The following RFLNA variants were observed in gnomAD, a reference collection of about 807,000 sequenced individuals.
The protein encoded by RFLNA is refilin-A.
Under a neutral mutation model 7.8 loss-of-function variants are expected in RFLNA, and 5 were observed. That is an observed-to-expected ratio of 0.64 (90% confidence interval 0.34 to 1.35). The LOEUF is 1.35. Ranked by LOEUF, RFLNA falls within the 40% of genes most tolerant of loss-of-function variation. The pLI is 0.04. For missense variants in RFLNA, 278 were observed against 305.5 expected (o/e 0.91, Z 0.67); for synonymous variants, 141 against 131.3 (o/e 1.07, Z -0.50).
At chr12:124,311,430 C>G (rs1041721057) in intron 1 of RFLNA, among the ~76,000 whole-genome samples, 5 of 152,236 alleles carry the variant, frequency 3.3e-5, no homozygotes, top group African/African-American at 9.6e-5. Flanking sequence ...GGCTGGGAAC[C>G]CTTCCTCCAG....
intron 2 of RFLNA, 68 bp from the exon 3 acceptor site, chr12:124,314,124 T>C (rs2034303520): frequency 2.6e-6 from 4 of 1,538,454 alleles, no homozygotes; most frequent in South Asian, 2.5e-5. Context: ...TTCGTGTCCA[T>C]GCTGAGGGCA....
chr12:124,309,907 G>A (rs186735890), intron 1 of RFLNA, among the ~76,000 whole-genome samples: 79 of 152,238 alleles, frequency 5.2e-4, no homozygotes, highest in Middle Eastern at 3.4e-3. Flanking sequence ...GGTGGCTCAC[G>A]CCTGCAGTTC....
At chr12:124,290,102 T>C (rs2033795045), upstream of RFLNA, among the ~76,000 whole-genome samples, 1 of 152,350 alleles carries the variant, frequency 6.6e-6, no homozygotes, top group African/African-American at 2.4e-5. This position sits in a 1 kb window ranked among gnomAD's most constrained non-coding sequence, Gnocchi z 4.0. Flanking sequence ...GTGTTACTTC[T>C]GCATTCCCTA....
chr12:124,312,756 A>G (rs2034267973), intron 2 of RFLNA, among the ~76,000 whole-genome samples: 1 of 150,824 alleles, frequency 6.6e-6, no homozygotes, highest in South Asian at 2.1e-4. Flanking sequence ...GCCACCCATG[A>G]GCTACTGCAC....
Position 124,314,216 on chromosome 12 carries a change from C to A in RFLNA, c.342C>A (p.Ala114=). ...EIRCNSEVKY[A]SEKHFQDKVF... is the part of the protein sequence containing the mutation. ...GCTGCAACTCTGAGGTCAAGTACGC[C>A]TCGGAGAAGCATTTCCAGGACAAGG... is the stretch of plus-strand genomic sequence containing the variant. The change falls in exon 3 of 3, where the codon GCC becomes GCA. Residue 114 remains alanine, a synonymous_variant. Coordinates refer to ENST00000546355, the MANE Select transcript of RFLNA (RefSeq NM_001365156.1). The A allele has an allele frequency of 6.2e-7, 1 of 1,612,962 alleles. No individual in the cohort carries two copies.
upstream of RFLNA, among the ~76,000 whole-genome samples, chr12:124,293,126 C>T (rs571797208): frequency 6.6e-6 from 1 of 152,246 alleles, no homozygotes; most frequent in South Asian, 2.1e-4. Flanking sequence ...AGAATTTCAC[C>T]ATGTTGGCCA....
At chr12:124,310,193 A>AAAAAAAAAAAAAAAAAAAAAAC (rs1566328172) in intron 1 of RFLNA, among the ~76,000 whole-genome samples, 1 of 147,210 alleles carries the variant, frequency 6.8e-6, no homozygotes, top group Non-Finnish European at 1.5e-5. Flanking sequence ...AAAAAAAAAA[A>AAAAAAAAAAAAAAAAAAAAAAC]AAAGCCTTTA....
upstream of RFLNA, among the ~76,000 whole-genome samples, chr12:124,290,762 G>C (rs1260202911): frequency 6.6e-6 from 1 of 152,162 alleles, no homozygotes; most frequent in Non-Finnish European, 1.5e-5. This position sits in a 1 kb window ranked among gnomAD's most constrained non-coding sequence, Gnocchi z 4.0. Context: ...TGCCTGGCGT[G>C]CCTGGAAGCA....
In RFLNA at chr12:124,304,026, G is replaced by A. The variant is rs182854307; in HGVS notation, c.208-7792G>A. ...GTGACCCAGTCTTCGGCAGTATCTC[G>A]CTCCCGCGTGGCTGGAAAGTCGGAC... On this transcript the variant is annotated intron_variant, in intron 1 of 2. Coordinates refer to ENST00000546355, the MANE Select transcript of RFLNA (RefSeq NM_001365156.1). 6.1e-4 allele frequency among the ~76,000 whole-genome samples: 93 copies of A among 152,356 alleles called. 1 individual carries two copies. Among genetic ancestry groups the A allele is most frequent in the African/African-American group, 1.9e-3 (80 of 41,592 alleles).
chr12:124,314,495 C>T lies in RFLNA; in HGVS notation c.621C>T (p.Ala207=). The stretch of plus-strand genomic sequence containing the variant: ...AGCTGCAGCTTTGCCAGGACCCTGC[C>T]CCCAGCCTCCTGGGCCCTGCCACGC... The part of the protein sequence containing the change: ...SVQLQLCQDP[A]PSLLGPATL The change falls in exon 3 of 3, where the codon GCC becomes GCT. Residue 207 remains alanine (A), a synonymous_variant. Coordinates refer to ENST00000546355, the MANE Select transcript of RFLNA (RefSeq NM_001365156.1). The T allele has an allele frequency of 6.3e-7, 1 of 1,593,606 alleles. No homozygotes were observed. The highest frequency in any genetic ancestry group is 1.7e-5 in the Admixed American group (1 of 59,248).
At chr12:124,300,637 T>C (rs1007615556) in intron 1 of RFLNA, among the ~76,000 whole-genome samples, 2 of 150,830 alleles carry the variant, frequency 1.3e-5, no homozygotes, top group African/African-American at 2.4e-5. Flanking sequence ...GATGGATGGA[T>C]GGATGGATGG....
chr12:124,303,598 C>T (rs932709554), intron 1 of RFLNA, among the ~76,000 whole-genome samples: 1 of 152,200 alleles, frequency 6.6e-6, no homozygotes, highest in Non-Finnish European at 1.5e-5. Context: ...GCCCGAGAAG[C>T]ACTTGTTCTC....
chr12:124,291,289 CT>C (rs2135665961), upstream of RFLNA, among the ~76,000 whole-genome samples: 1 of 152,308 alleles, frequency 6.6e-6, no homozygotes, highest in South Asian at 2.1e-4. Context: ...GAGTCTCACT[CT>C]ATTGCCCAGG....
Position 124,314,390 on chromosome 12 carries a change from C to T in RFLNA, c.516C>T (p.Pro172=), listed in dbSNP as rs758562189. ...LRFRSTTIIF[P]KHARSTFRTT... is the part of the protein sequence containing the mutation. Reference sequence around the variant, plus strand: ...TCCGCAGCACCACCATCATCTTCCCCAAGCATGCCAGGAGCACTTTCCGGA... The same window carrying T: ...TCCGCAGCACCACCATCATCTTCCCTAAGCATGCCAGGAGCACTTTCCGGA... Residue 172 remains proline, a synonymous_variant, in exon 3 of 3, where the codon CCC becomes CCT. Transcript: ENST00000546355. 1.2e-6 allele frequency: 2 copies of T among 1,611,316 alleles called. No homozygotes were observed. The highest frequency in any genetic ancestry group is 2.2e-5 in the South Asian group (2 of 91,084).
At position 124,314,581 on chromosome 12, in the gene RFLNA, G is replaced by T; in HGVS notation, c.*56G>T. 1 of 1,535,842 alleles carries T rather than the reference G, an allele frequency of 6.5e-7. No homozygotes were observed. The highest frequency in any genetic ancestry group is 1.4e-5 in the African/African-American group (1 of 72,622). On this transcript the variant is annotated 3_prime_UTR_variant, in exon 3 of 3. Transcript: ENST00000546355. ...GAGCCGGGAGCCCTGGGGAGAAGCC[G>T]GGAGGATGGACACGATGAGCTCGGC...
intron 1 of RFLNA, among the ~76,000 whole-genome samples, chr12:124,308,437 G>A (rs1010638558): frequency 5.9e-5 from 9 of 152,006 alleles, no homozygotes; most frequent in Non-Finnish European, 1.2e-4. Flanking sequence ...GCTTTGGGGG[G>A]GGACCCTGTT....
rs906632055 is a variant in RFLNA at position 124,311,713 on chromosome 12, C to T, written c.208-105C>T. On this transcript the variant is annotated intron_variant, in intron 1 of 2. Coordinates refer to ENST00000546355, the MANE Select transcript of RFLNA (RefSeq NM_001365156.1). ...GGGCCCCACCAAGCAGCTTCCAGAC[C>T]AAGCCAGGGCCAGAGGGTGTCAGGT... The T allele has an allele frequency of 7.1e-6, 8 of 1,134,708 alleles. No individual in the cohort carries two copies. In the African/African-American group the frequency reaches 1.2e-4, roughly 16 times the overall value. 70.3% of individuals were successfully genotyped at this position (1,134,708 alleles called of 1,614,324 possible). A position where few individuals can be genotyped will look rare whatever the true frequency, so the allele number is the denominator to read the frequency against.
chr12:124,297,238 G>A (rs546085288), intron 1 of RFLNA, among the ~76,000 whole-genome samples: 1 of 152,158 alleles, frequency 6.6e-6, no homozygotes, highest in Admixed American at 6.5e-5. Flanking sequence ...GGGCCAGCCC[G>A]TGGCTGCCGC....
intron 1 of RFLNA, among the ~76,000 whole-genome samples, chr12:124,307,372 A>G (rs1204452997): frequency 2.0e-5 from 3 of 151,762 alleles, no homozygotes; most frequent in African/African-American, 7.3e-5. Context: ...CCAGGAGGTG[A>G]CTCCCACCCC....
Sources: gnomAD v4.1 joint callset for allele counts (sites outside exome capture counted in the v4.1 genomes callset) on GRCh38, gnomAD v4.1.1 for gene constraint, Gnocchi (gnomAD v3.1) non-coding constraint, MANE v1.5 for transcripts, NCBI Gene and HGNC (gene_info 2026-07-23, HGNC 2026-07-21) for gene names.